NT5C3A: variants seen among roughly 807,000 people sequenced by gnomAD.
NT5C3A encodes the protein 5'-nucleotidase, cytosolic IIIA, also known as cytosolic 5'-nucleotidase 3A.
Under a neutral mutation model 40.0 loss-of-function variants are expected in NT5C3A, and 23 were observed. The observed-to-expected ratio is 0.58, with a 90% CI of 0.41 to 0.81. The LOEUF (loss-of-function observed/expected upper bound fraction) is 0.81. Among genes scored for constraint, NT5C3A ranks in the 40% least tolerant of loss-of-function variants. The probability of loss-of-function intolerance (pLI) is 0.00; values close to 1 mark genes in which losing one functional copy is unlikely to be tolerated. For missense variants in NT5C3A, 328 were observed against 403.0 expected (o/e 0.81, Z 1.59); for synonymous variants, 130 against 141.4 (o/e 0.92, Z 0.57).
intron 1 of NT5C3A, among the ~76,000 whole-genome samples, chr7:33,040,547 C>T (rs1786862627): frequency 1.3e-5 from 2 of 152,154 alleles, no homozygotes; most frequent in African/African-American, 4.8e-5. Context: ...GAATGAACAA[C>T]CAAATTGAAT....
At chr7:33,047,996 A>G (rs918656838) in intron 1 of NT5C3A, among the ~76,000 whole-genome samples, 10 of 150,560 alleles carry the variant, frequency 6.6e-5, no homozygotes, top group East Asian at 2.0e-4. Context: ...TTATATGTGT[A>G]TGTGTGTGTG....
chr7:33,032,338 C>G (rs561309844), intron 1 of NT5C3A, among the ~76,000 whole-genome samples: 1 of 145,838 alleles, frequency 6.9e-6, no homozygotes, highest in African/African-American at 2.6e-5. Flanking sequence ...AAGAGAATTG[C>G]TTGAACCCAG....
intron 1 of NT5C3A, among the ~76,000 whole-genome samples, chr7:33,041,788 A>G (rs891468417): frequency 1.3e-5 from 2 of 152,160 alleles, no homozygotes; most frequent in Non-Finnish European, 2.9e-5. Flanking sequence ...TAACCTGAGT[A>G]GTAGGGTGGC....
At chr7:33,049,134 T>G (rs1219620157) in intron 1 of NT5C3A, among the ~76,000 whole-genome samples, 1 of 152,160 alleles carries the variant, frequency 6.6e-6, no homozygotes, top group Non-Finnish European at 1.5e-5. Flanking sequence ...CAAAATATAA[T>G]TACTTTAAAA....
intron 3 of NT5C3A, among the ~76,000 whole-genome samples, chr7:33,022,966 G>T (rs919394211): frequency 2.0e-5 from 3 of 150,224 alleles, no homozygotes; most frequent in Non-Finnish European, 4.4e-5. Context: ...CATCCAGGCT[G>T]GAGTGCAGTG....
chr7:33,031,461 A>G (rs886376579), intron 1 of NT5C3A, among the ~76,000 whole-genome samples: 2 of 151,864 alleles, frequency 1.3e-5, no homozygotes, highest in South Asian at 4.2e-4. Context: ...GGTGGTGCAC[A>G]TCTGTAGTCC....
At chr7:33,047,477 G>A (rs964419109) in intron 1 of NT5C3A, among the ~76,000 whole-genome samples, 4 of 151,976 alleles carry the variant, frequency 2.6e-5, no homozygotes, top group African/African-American at 9.7e-5. Flanking sequence ...AGGACTGGCG[G>A]GTGATAACTT....
At chr7:33,028,916 G>A (rs540914485) in intron 1 of NT5C3A, among the ~76,000 whole-genome samples, 2 of 151,932 alleles carry the variant, frequency 1.3e-5, no homozygotes, top group South Asian at 2.1e-4. Flanking sequence ...TTAGCTGGGC[G>A]TGGTGGCGGG....
intron 1 of NT5C3A, among the ~76,000 whole-genome samples, chr7:33,030,672 T>G (rs117863104): frequency 1.6e-3 from 245 of 152,258 alleles, no homozygotes; most frequent in South Asian, 5.4e-3. Context: ...GACCTAAAAT[T>G]CACTTATTTT....
At chr7:33,031,433 C>A (rs7798538) in intron 1 of NT5C3A, among the ~76,000 whole-genome samples, 107,821 of 151,400 alleles carry the variant, frequency 0.71, 38,719 homozygotes, top group African/African-American at 0.77. Flanking sequence ...ACAAACAATA[C>A]AAAAATTAGC....
chr7:33,040,995 C>T, intron 1 of NT5C3A: 1 of 985,450 alleles, frequency 1.0e-6, no homozygotes, highest in South Asian at 4.7e-5. Flanking sequence ...TATGCAAAAA[C>T]CTTGTGACGC....
At chr7:33,038,894 T>A (rs1032005211) in intron 1 of NT5C3A, 1 of 456,372 alleles carries the variant, frequency 2.2e-6, no homozygotes, top group African/African-American at 2.0e-5. Flanking sequence ...AGAAGACGTG[T>A]TCAAAAATAG....
intron 1 of NT5C3A, among the ~76,000 whole-genome samples, chr7:33,052,091 A>G (rs765604080): frequency 2.0e-5 from 3 of 152,100 alleles, no homozygotes; most frequent in Non-Finnish European, 4.4e-5. Context: ...TTGTTTTTTA[A>G]TTTCCAATGA....
chr7:33,017,377 A>C, intron 7 of NT5C3A, 62 bp downstream of exon 7: 1 of 1,335,318 alleles, frequency 7.5e-7, no homozygotes, highest in South Asian at 1.3e-5. Context: ...ACAATAAATA[A>C]ATTTACATGA....
At chr7:33,042,691 G>A (rs1786979270) in intron 1 of NT5C3A, among the ~76,000 whole-genome samples, 1 of 152,106 alleles carries the variant, frequency 6.6e-6, no homozygotes, top group Non-Finnish European at 1.5e-5. Flanking sequence ...CAATCTTTTT[G>A]GAGTGCAATT....
chr7:33,034,578 T>C (rs1786477521), intron 1 of NT5C3A, among the ~76,000 whole-genome samples: 1 of 152,202 alleles, frequency 6.6e-6, no homozygotes, highest in Non-Finnish European at 1.5e-5. Flanking sequence ...GGTTGAACCA[T>C]ATAAAACTGG....
chr7:33,020,611 A>G (rs1785572326), intron 5 of NT5C3A, among the ~76,000 whole-genome samples: 1 of 152,220 alleles, frequency 6.6e-6, no homozygotes, highest in African/African-American at 2.4e-5. Context: ...GTAACGGGAC[A>G]ATAAAGACAA....
intron 5 of NT5C3A, among the ~76,000 whole-genome samples, chr7:33,020,775 A>ATTT (rs11434167): frequency 1.1e-4 from 15 of 142,480 alleles, no homozygotes; most frequent in African/African-American, 2.8e-4. Context: ...GTCATGATCT[A>ATTT]TTTTTTTTTT....
At chr7:33,043,519 G>C (rs924007531) in intron 1 of NT5C3A, among the ~76,000 whole-genome samples, 1 of 152,140 alleles carries the variant, frequency 6.6e-6, no homozygotes, top group African/African-American at 2.4e-5. Flanking sequence ...GTTTCTAATG[G>C]AGACACAGAA....
Sources: allele counts gnomAD v4.1 joint callset (sites outside exome capture counted in the v4.1 genomes callset), GRCh38; gene constraint gnomAD v4.1.1; transcripts MANE v1.5; gene names NCBI Gene and HGNC (gene_info 2026-07-23, HGNC 2026-07-21).